The following CELF2 variants were observed in gnomAD, a reference collection of about 807,000 sequenced individuals.
The protein encoded by CELF2 is CUG triplet repeat RNA-binding protein 2.
Under a neutral mutation model 62.6 loss-of-function variants are expected in CELF2, and 8 were observed. The ratio of observed to expected loss-of-function variants is 0.13; its 90% confidence interval spans 0.07 to 0.23. The LOEUF (loss-of-function observed/expected upper bound fraction) is 0.23, where lower values mean the gene tolerates loss of function less well. Among genes scored for constraint, CELF2 ranks in the 10% least tolerant of loss-of-function variants. The probability of loss-of-function intolerance (pLI) is 1.00; values close to 1 mark genes in which losing one functional copy is unlikely to be tolerated. For missense variants in CELF2, 333 were observed against 671.0 expected, an observed-to-expected ratio of 0.50 and a Z score of 5.56; for synonymous variants, 258 against 250.0, an observed-to-expected ratio of 1.03 and a Z score of -0.30.
intron 9 of CELF2, 57 bp downstream of exon 9, chr10:11,288,609 T>C: frequency 1.3e-6 from 2 of 1,594,744 alleles, no homozygotes; most frequent in Middle Eastern, 3.3e-4. Context: ...GGCAGGTAGG[T>C]TTCCGTGCCT....
chr10:11,051,508 C>T lies in CELF2; in HGVS notation c.74+33345C>T, dbSNP rs189345637. ...AACAGCCCATGTTTATAAAACTCAGCCTGATGCCTGCCCGATCAAGTATTG... is the reference window on the plus strand; with the variant it reads ...AACAGCCCATGTTTATAAAACTCAGTCTGATGCCTGCCCGATCAAGTATTG... On this transcript the variant is annotated intron_variant, in intron 1 of 12. Coordinates refer to ENST00000633077, the MANE Select transcript of CELF2 (RefSeq NM_001326342.2). Among the ~76,000 whole-genome samples, 9 of 152,284 alleles carry T rather than the reference C, an allele frequency of 5.9e-5. No homozygotes were observed. In the East Asian group the frequency reaches 1.7e-3, roughly 29 times the overall value.
the CELF2 span, among the ~76,000 whole-genome samples, chr10:10,632,725 C>T: frequency 2.0e-5 from 3 of 152,108 alleles, no homozygotes; most frequent in African/African-American, 4.8e-5. Context: ...GATAAAAACA[C>T]GTAGTATAAA....
chr10:10,486,045 GGA>G, the CELF2 span, among the ~76,000 whole-genome samples: 5 of 152,102 alleles, frequency 3.3e-5, no homozygotes, highest in African/African-American at 1.2e-4. Context: ...TTAGAATCAT[GGA>G]AACATAGAAT....
chr10:11,205,744 G>A (rs149837362), intron 2 of CELF2, among the ~76,000 whole-genome samples: 3,015 of 152,268 alleles, frequency 0.02, 53 homozygotes, highest in Non-Finnish European at 0.03. Flanking sequence ...AATGATTTCC[G>A]CTGTTCCAGG....
the CELF2 span, among the ~76,000 whole-genome samples, chr10:10,498,737 G>A: frequency 3.9e-5 from 6 of 152,126 alleles, no homozygotes; most frequent in Non-Finnish European, 5.9e-5. Flanking sequence ...TTAAATCCAC[G>A]GAAAATGAGG....
intron 5 of CELF2, among the ~76,000 whole-genome samples, chr10:11,261,464 G>T (rs72775840): frequency 0.083 from 12,326 of 147,966 alleles, 619 homozygotes; most frequent in Non-Finnish European, 0.12. Context: ...GGCAAGAAAA[G>T]AAAGTATTTT....
chr10:11,042,059 T>C (rs953350561), intron 1 of CELF2, among the ~76,000 whole-genome samples: 1 of 152,220 alleles, frequency 6.6e-6, no homozygotes, highest in East Asian at 1.9e-4. Context: ...TTGAACGATT[T>C]TTGCATGATC....
chr10:10,729,426 A>G, the CELF2 span, among the ~76,000 whole-genome samples: 1 of 152,214 alleles, frequency 6.6e-6, no homozygotes, highest in African/African-American at 2.4e-5. Flanking sequence ...TGCTTCAAGG[A>G]TAATTTGTGT....
chr10:11,010,657 T>C lies in CELF2; in HGVS notation c.53+5217T>C, dbSNP rs776274857. On this transcript the variant is annotated intron_variant, in intron 1 of 12. Transcript: ENST00000416382. This position sits in a 1 kb window ranked among gnomAD's most constrained non-coding sequence, Gnocchi z 4.1. ...CAGTGGGAGGAACTATGACCCTGTATTCAGCCAAACACCTCCCATGAGCCA... is the reference window on the plus strand; with the variant it reads ...CAGTGGGAGGAACTATGACCCTGTACTCAGCCAAACACCTCCCATGAGCCA... 1.3e-5 allele frequency among the ~76,000 whole-genome samples: 2 copies of C among 152,214 alleles called. No individual in the cohort carries two copies. Among genetic ancestry groups the C allele is most frequent in the Non-Finnish European group, 2.9e-5 (2 of 68,030 alleles).
At chr10:10,944,751 A>T (rs980639888) in intron 2 of CELF2, among the ~76,000 whole-genome samples, 11 of 151,922 alleles carry the variant, frequency 7.2e-5, no homozygotes, top group African/African-American at 2.7e-4. Flanking sequence ...ACAGGTGTGC[A>T]CCACCACACC....
intron 1 of CELF2, among the ~76,000 whole-genome samples, chr10:10,881,599 AATGTT>A (rs1773687824): frequency 6.6e-6 from 1 of 152,188 alleles, no homozygotes; most frequent in South Asian, 2.1e-4. Context: ...TAAGAAATGA[AATGTT>A]ATGAGTCAGC....
the CELF2 span, among the ~76,000 whole-genome samples, chr10:10,505,877 C>T: frequency 2.0e-5 from 3 of 152,162 alleles, no homozygotes; most frequent in African/African-American, 4.8e-5. Context: ...TTGGCAACGA[C>T]TTCAGCTCTA....
chr10:10,696,855 T>C, the CELF2 span, among the ~76,000 whole-genome samples: 4 of 152,228 alleles, frequency 2.6e-5, no homozygotes, highest in African/African-American at 4.8e-5. Context: ...GCACGGTGCG[T>C]GCACCCAATG....
At chr10:10,575,793 A>G in the CELF2 span, among the ~76,000 whole-genome samples, 2 of 152,176 alleles carry the variant, frequency 1.3e-5, no homozygotes, top group Non-Finnish European at 2.9e-5. Context: ...AAATTAGGGG[A>G]AAAATGGAAA....
chr10:10,975,290 T>G (rs935353719), intron 2 of CELF2, among the ~76,000 whole-genome samples: 1 of 152,130 alleles, frequency 6.6e-6, no homozygotes, highest in East Asian at 1.9e-4. Context: ...GCTAATTTTT[T>G]AATTTTTAGT....
At chr10:11,262,940 CTTTTT>C (rs553831640) in intron 5 of CELF2, among the ~76,000 whole-genome samples, 7,697 of 52,540 alleles carry the variant, frequency 0.15, 363 homozygotes, top group South Asian at 0.22. Context: ...AGTGGCTTTA[CTTTTT>C]TTTTTTTTTT....
rs1446982940 is a variant in CELF2, at chr10:11,121,991, T to C, written c.75-43495T>C. On this transcript the variant is annotated intron_variant, in intron 1 of 12. Coordinates refer to ENST00000633077, the MANE Select transcript of CELF2 (RefSeq NM_001326342.2). ...TGCCAGATAACCGCATAGCCCAGCA[T>C]GATGGCAGATTATGAGTTCATCTTA... Among the ~76,000 whole-genome samples, 8 of 152,178 alleles carry C rather than the reference T, an allele frequency of 5.3e-5. No homozygotes were observed. In the East Asian group the frequency reaches 1.3e-3, roughly 26 times the overall value.
chr10:11,204,817 C>G (rs1167528953), intron 2 of CELF2, among the ~76,000 whole-genome samples: 1 of 152,250 alleles, frequency 6.6e-6, no homozygotes, highest in East Asian at 1.9e-4. Context: ...TTTAGGACAT[C>G]ACGTCTTCTT....
chr10:10,528,508 C>T, the CELF2 span, among the ~76,000 whole-genome samples: 4 of 152,198 alleles, frequency 2.6e-5, no homozygotes, highest in African/African-American at 4.8e-5. Context: ...TGTTAATCTA[C>T]TCCCCCTAAA....
Sources: gnomAD v4.1 joint callset for allele counts (sites outside exome capture counted in the v4.1 genomes callset) on GRCh38, gnomAD v4.1.1 for gene constraint, Gnocchi (gnomAD v3.1) non-coding constraint, MANE v1.5 for transcripts, NCBI Gene and HGNC (gene_info 2026-07-23, HGNC 2026-07-21) for gene names.